SGCZ: variants seen among roughly 807,000 people sequenced by gnomAD.
The protein encoded by SGCZ is sarcoglycan zeta, also known as zeta-sarcoglycan.
A neutral mutation model predicts 41.3 loss-of-function variants in SGCZ; 40 were observed. That is an observed-to-expected ratio of 0.97 (90% CI 0.75 to 1.26). The LOEUF (loss-of-function observed/expected upper bound fraction) is 1.26. Among genes scored for constraint, SGCZ ranks in the 50% most tolerant of loss-of-function variants. The pLI, the probability that SGCZ is intolerant of heterozygous loss-of-function variation, is 0.00. For synonymous variants in SGCZ, 206 were observed against 137.5 expected, an observed-to-expected ratio of 1.50 and a Z score of -3.49; for missense variants, 552 against 369.8, an observed-to-expected ratio of 1.49 and a Z score of -4.04.
intron 1 of SGCZ, among the ~76,000 whole-genome samples, chr8:14,886,034 T>A (rs1200072039): frequency 1.6e-4 from 18 of 112,386 alleles, no homozygotes; most frequent in Non-Finnish European, 2.6e-4. Context: ...TATATATATA[T>A]AAAATTGTAT....
chr8:14,481,342 G>T (rs1309535960), intron 2 of SGCZ, among the ~76,000 whole-genome samples: 4 of 152,116 alleles, frequency 2.6e-5, no homozygotes. Context: ...TGACTTATAA[G>T]TAATGAGATG....
chr8:15,115,493 A>T (rs1250438080), intron 1 of SGCZ, among the ~76,000 whole-genome samples: 1 of 152,200 alleles, frequency 6.6e-6, no homozygotes, highest in Non-Finnish European at 1.5e-5. Context: ...TTGATTTAGG[A>T]TATCTTTATA....
At chr8:14,178,624 T>G (rs1041273357) in intron 4 of SGCZ, among the ~76,000 whole-genome samples, 2 of 152,212 alleles carry the variant, frequency 1.3e-5, no homozygotes, top group South Asian at 4.1e-4. Flanking sequence ...ATTTTCTGAA[T>G]CACCAGCAAA....
At chr8:15,036,226 C>T (rs544668198) in intron 1 of SGCZ, among the ~76,000 whole-genome samples, 253 of 151,932 alleles carry the variant, frequency 1.7e-3, no homozygotes, top group Non-Finnish European at 2.3e-3. Flanking sequence ...ATTGGATAAC[C>T]TAGAAGAAAT....
chr8:14,116,772 G>A (rs1400498143), intron 5 of SGCZ, among the ~76,000 whole-genome samples: 1 of 152,044 alleles, frequency 6.6e-6, no homozygotes, highest in Non-Finnish European at 1.5e-5. Context: ...TTAACCATAA[G>A]AGGACTGGTA....
intron 2 of SGCZ, among the ~76,000 whole-genome samples, chr8:14,536,035 TA>T (rs1342244067): frequency 6.6e-6 from 1 of 151,844 alleles, no homozygotes; most frequent in African/African-American, 2.4e-5. Context: ...GATACAAGTT[TA>T]AAATGAACAA....
intron 1 of SGCZ, among the ~76,000 whole-genome samples, chr8:14,627,910 T>A (rs184420931): frequency 6.6e-6 from 1 of 152,104 alleles, no homozygotes; most frequent in South Asian, 2.1e-4. Flanking sequence ...GAAACTAATA[T>A]AAATTAATTC....
At chr8:14,778,692 G>A (rs890236270) in intron 1 of SGCZ, among the ~76,000 whole-genome samples, 4 of 152,142 alleles carry the variant, frequency 2.6e-5, no homozygotes, top group African/African-American at 4.8e-5. Flanking sequence ...CAATGACGAG[G>A]AAACCCATAT....
chr8:14,632,124 T>C (rs1459813116), intron 1 of SGCZ, among the ~76,000 whole-genome samples: 4 of 152,022 alleles, frequency 2.6e-5, no homozygotes, highest in Admixed American at 1.3e-4. Flanking sequence ...GCTTAAATGA[T>C]CCTCCCACCT....
At position 14,085,357 on chromosome 8, in the gene SGCZ, A is replaced by G. The variant is rs1346440510; in HGVS notation, c.*5086T>C. Among the ~76,000 whole-genome samples, 1 of 151,784 alleles carries G rather than the reference A, an allele frequency of 6.6e-6. No homozygotes were observed. Among genetic ancestry groups the G allele is most frequent in the East Asian group, 1.9e-4 (1 of 5,148 alleles). ...TAAAGAATTGTATAAATAACGAGAC[A>G]CTCAAACTCCAGATTACATATCTCC... On this transcript the variant is annotated 3_prime_UTR_variant, in exon 8 of 8. Coordinates refer to ENST00000382080, the MANE Select transcript of SGCZ (RefSeq NM_139167.4).
intron 1 of SGCZ, among the ~76,000 whole-genome samples, chr8:14,750,452 A>G (rs1799461155): frequency 6.6e-6 from 1 of 152,154 alleles, no homozygotes; most frequent in African/African-American, 2.4e-5. Flanking sequence ...TTCTGCCTTA[A>G]TAGGTAGAAA....
intron 1 of SGCZ, among the ~76,000 whole-genome samples, chr8:15,195,738 A>G (rs942949607): frequency 6.6e-6 from 1 of 152,066 alleles, no homozygotes; most frequent in Non-Finnish European, 1.5e-5. Flanking sequence ...ACGACAACCG[A>G]TTTTTCATCT....
chr8:15,211,709 T>A (rs914922784), intron 1 of SGCZ, among the ~76,000 whole-genome samples: 9 of 152,172 alleles, frequency 5.9e-5, no homozygotes, highest in Non-Finnish European at 1.2e-4. Context: ...GGACTGGTTC[T>A]AGTAATTATT....
intron 3 of SGCZ, among the ~76,000 whole-genome samples, chr8:14,238,677 A>G (rs904795400): frequency 6.6e-6 from 1 of 152,120 alleles, no homozygotes; most frequent in African/African-American, 2.4e-5. Context: ...TAGGGTGATC[A>G]TTTACAAATC....
intron 1 of SGCZ, among the ~76,000 whole-genome samples, chr8:14,838,299 T>A (rs1802773621): frequency 1.3e-5 from 2 of 152,132 alleles, no homozygotes. Flanking sequence ...TTTTGATGTT[T>A]GGTATCTTAA....
At chr8:14,684,925 C>T (rs137869830) in intron 1 of SGCZ, among the ~76,000 whole-genome samples, 22 of 152,232 alleles carry the variant, frequency 1.4e-4, no homozygotes, top group African/African-American at 2.4e-4. Flanking sequence ...TCTGTTTAAA[C>T]ATGCAGTGGC....
At chr8:14,978,332 G>T (rs1801548883) in intron 1 of SGCZ, among the ~76,000 whole-genome samples, 1 of 134,624 alleles carries the variant, frequency 7.4e-6, no homozygotes, top group Admixed American at 7.2e-5. Context: ...AGTTGGGCGT[G>T]GTGCCATGGG....
chr8:14,792,598 G>T (rs183032285), intron 1 of SGCZ, among the ~76,000 whole-genome samples: 1 of 151,720 alleles, frequency 6.6e-6, no homozygotes, highest in African/African-American at 2.4e-5. Context: ...TTAAGTTTTA[G>T]GGTACATGTG....
At chr8:15,064,211 G>T (rs918694336) in intron 1 of SGCZ, among the ~76,000 whole-genome samples, 2 of 151,948 alleles carry the variant, frequency 1.3e-5, no homozygotes, top group Non-Finnish European at 2.9e-5. Context: ...AATACTTCCG[G>T]GACATAACTA....
Sources: gnomAD v4.1 joint callset for allele counts (sites outside exome capture counted in the v4.1 genomes callset) on GRCh38, gnomAD v4.1.1 for gene constraint, MANE v1.5 for transcripts, NCBI Gene and HGNC (gene_info 2026-07-23, HGNC 2026-07-21) for gene names.